Variants in IFT70A observed in about 807,000 individuals in gnomAD.
The protein encoded by IFT70A is intraflagellar transport 70A, also known as intraflagellar transport protein 70A.
chr2:177,614,927 C>G, the IFT70A span: 4 of 152,194 alleles, frequency 2.6e-5, no homozygotes, highest in Admixed American at 2.0e-4. Context: ...TTGGAAAGTG[C>G]ATGGCCTCTT....
the IFT70A span, chr2:177,618,408 G>A: frequency 6.2e-7 from 1 of 1,612,766 alleles, no homozygotes; most frequent in East Asian, 2.2e-5. Flanking sequence ...CGACCCGAGT[G>A]GCCTCCGGAT....
chr2:177,617,541 A>G, the IFT70A span: 32,238 of 1,614,208 alleles, frequency 0.02, 708 homozygotes, highest in African/African-American at 0.099. Flanking sequence ...GAAGCTGCTC[A>G]GTCAGCATCC....
chr2:177,617,712 G>T, the IFT70A span: 1 of 1,614,208 alleles, frequency 6.2e-7, no homozygotes, highest in South Asian at 1.1e-5. Flanking sequence ...CATATTTACA[G>T]TAGAGCAGCA....
chr2:177,615,906 TCA>T, the IFT70A span: 1 of 152,126 alleles, frequency 6.6e-6, no homozygotes, highest in Non-Finnish European at 1.5e-5. Flanking sequence ...ATTAAAAATT[TCA>T]GTTTTTAAAA....
chr2:177,617,230 T>C, the IFT70A span: 33 of 1,594,508 alleles, frequency 2.1e-5, no homozygotes, highest in South Asian at 3.5e-4. Context: ...CAGGATGTTA[T>C]CATAATGCTT....
At chr2:177,618,678 C>A in the IFT70A span, 2 of 1,591,742 alleles carry the variant, frequency 1.3e-6, no homozygotes, top group South Asian at 1.1e-5. Context: ...CGTCGGGGAT[C>A]TGCGCGCCGC....
the IFT70A span, chr2:177,613,982 T>C: frequency 6.6e-6 from 1 of 152,202 alleles, no homozygotes; most frequent in Non-Finnish European, 1.5e-5. Flanking sequence ...AATGTACTTA[T>C]AAGTCTCTAT....
the IFT70A span, chr2:177,614,732 TAAA>T: frequency 6.6e-6 from 1 of 150,410 alleles, no homozygotes; most frequent in African/African-American, 2.5e-5. Flanking sequence ...AGGGAAAAGA[TAAA>T]AAAGGGAAAG....
the IFT70A span, chr2:177,615,554 C>A: frequency 5.9e-5 from 9 of 152,048 alleles, no homozygotes; most frequent in African/African-American, 2.2e-4. Flanking sequence ...ATCAGTATAA[C>A]ATCCAACAAT....
the IFT70A span, chr2:177,618,650 C>T: frequency 6.8e-6 from 11 of 1,607,186 alleles, no homozygotes; most frequent in South Asian, 6.7e-5. Flanking sequence ...AGCCGGTACA[C>T]TAGCGCGGTA....
chr2:177,617,530 C>A, the IFT70A span: 1 of 1,614,140 alleles, frequency 6.2e-7, no homozygotes, highest in Non-Finnish European at 8.5e-7. Flanking sequence ...GGTGAGTCTC[C>A]GAAGCTGCTC....
the IFT70A span, chr2:177,614,028 T>C: frequency 6.6e-6 from 1 of 152,220 alleles, no homozygotes; most frequent in South Asian, 2.1e-4. Flanking sequence ...CAAGTCCTTT[T>C]CTAGTAAATA....
chr2:177,616,634 G>T, the IFT70A span: 1 of 1,329,018 alleles, frequency 7.5e-7, no homozygotes, highest in Non-Finnish European at 1.0e-6. Flanking sequence ...AGATGCCAAG[G>T]CTAAATACAG....
the IFT70A span, chr2:177,618,612 C>T: frequency 1.9e-6 from 3 of 1,608,348 alleles, no homozygotes; most frequent in Admixed American, 5.0e-5. Context: ...GCAGCTGCAC[C>T]GCCTCGGCGT....
the IFT70A span, chr2:177,617,422 AAC>A: frequency 1.3e-6 from 2 of 1,597,200 alleles, no homozygotes; most frequent in Admixed American, 3.5e-5. Context: ...CTGAGCCATC[AAC>A]ACAGGAATGT....
the IFT70A span, chr2:177,618,008 C>G: frequency 6.2e-7 from 1 of 1,614,104 alleles, no homozygotes; most frequent in South Asian, 1.1e-5. Flanking sequence ...TCAAAGCCCT[C>G]GGTGGTCATG....
At chr2:177,618,215 A>G in the IFT70A span, 1 of 1,614,202 alleles carries the variant, frequency 6.2e-7, no homozygotes, top group Non-Finnish European at 8.5e-7. Flanking sequence ...TTGTAGAGCA[A>G]ACAACCCAGG....
chr2:177,618,626 GGGCATCGC>G, the IFT70A span: 63 of 1,609,896 alleles, frequency 3.9e-5, no homozygotes, highest in Admixed American at 1.0e-3. Context: ...TCGGCGTAGC[GGGCATCGC>G]GGATGAGCCG....
At chr2:177,613,769 G>C in the IFT70A span, 1 of 152,282 alleles carries the variant, frequency 6.6e-6, no homozygotes, top group African/African-American at 2.4e-5. Flanking sequence ...GGTCCTGCTT[G>C]CATAGTATAA....
Sources: allele counts gnomAD v4.1 joint callset, GRCh38; gene constraint gnomAD v4.1.1; transcripts MANE v1.5; gene names NCBI Gene and HGNC (gene_info 2026-07-23, HGNC 2026-07-21).